Variants in PCDHGA1 observed in about 807,000 individuals in gnomAD.
PCDHGA1 encodes the protein protocadherin gamma-A1.
Under a neutral mutation model 58.0 loss-of-function variants are expected in PCDHGA1, and 32 were observed. The ratio of observed to expected loss-of-function variants is 0.55; its 90% CI spans 0.42 to 0.74. PCDHGA1 has a LOEUF of 0.74. PCDHGA1 is among the 30% of genes least tolerant of loss of function. PCDHGA1 has a pLI of 0.00. For missense variants in PCDHGA1, 1,205 were observed against 1,182.3 expected, an observed-to-expected ratio of 1.02 and a Z score of -0.28; for synonymous variants, 498 against 501.1, an observed-to-expected ratio of 0.99 and a Z score of 0.08.
At chr5:141,428,255 G>C in intron 1 of PCDHGA1, 1 of 875,580 alleles carries the variant, frequency 1.1e-6, no homozygotes, top group Non-Finnish European at 1.8e-6. Flanking sequence ...CCAGACTTCA[G>C]TGACAGTCCT....
chr5:141,383,003 T>G, intron 1 of PCDHGA1: 2 of 1,613,734 alleles, frequency 1.2e-6, no homozygotes, highest in Non-Finnish European at 1.7e-6. Flanking sequence ...CTCTACTCCG[T>G]GTCGGAGGAG....
At position 141,486,218 on chromosome 5, in the gene PCDHGA1, T is replaced by A. The variant is rs1467104398; in HGVS notation, c.2422-8589T>A. The A allele has an allele frequency of 2.5e-6, 4 of 1,614,004 alleles. No homozygotes were observed. The African/African-American group carries it at 5.3e-5, about 22-fold the overall frequency. On this transcript the variant is annotated intron_variant, in intron 1 of 3. Transcript: ENST00000517417. The surrounding 1 kb of genome is among the most constrained non-coding windows in gnomAD (Gnocchi z 5.0). ...GCTGGACGTAAATGACAATGCCCCT[T>A]ACATCACAGTGACCTCAGAGCTTGG...
At chr5:141,422,318 G>A (rs778935746) in intron 1 of PCDHGA1, 10 of 1,548,110 alleles carry the variant, frequency 6.5e-6, no homozygotes, top group Non-Finnish European at 7.8e-6. Context: ...TCTCCTCCAG[G>A]TACAGTGATT....
chr5:141,366,927 T>C (rs1442666923), intron 1 of PCDHGA1: 3 of 981,216 alleles, frequency 3.1e-6, no homozygotes, highest in Non-Finnish European at 4.3e-6. Context: ...AAATTCTGTT[T>C]TGGGAAGTCT....
At chr5:141,339,165 G>T (rs868424998) in intron 1 of PCDHGA1, 8 of 1,613,980 alleles carry the variant, frequency 5.0e-6, no homozygotes, top group East Asian at 4.5e-5. Flanking sequence ...CAGGGAGTCC[G>T]CATCGTCTCC....
intron 1 of PCDHGA1, chr5:141,423,860 G>A: frequency 7.8e-7 from 1 of 1,283,074 alleles, no homozygotes; most frequent in Non-Finnish European, 9.9e-7. Context: ...ACGTTTTTGT[G>A]AAAGTCATTT....
chr5:141,491,316 T>C lies in PCDHGA1; in HGVS notation c.2422-3491T>C. The C allele has an allele frequency of 3.1e-6, 5 of 1,614,176 alleles. No homozygotes were observed. The highest frequency in any genetic ancestry group is 3.4e-6 in the Non-Finnish European group (4 of 1,180,004). ...CTCCTGAGCGTTCAGACCTTACCCT[T>C]TACCTCATTGTGGCTCTAGCGACCG... is the stretch of plus-strand genomic sequence containing the variant. On this transcript the variant is annotated intron_variant, in intron 1 of 3. Coordinates refer to ENST00000517417, the MANE Select transcript of PCDHGA1 (RefSeq NM_018912.3). The surrounding 1 kb of genome is among the most constrained non-coding windows in gnomAD (Gnocchi z 6.9).
intron 1 of PCDHGA1, chr5:141,341,478 C>T (rs1351517337): frequency 1.9e-6 from 3 of 1,580,856 alleles, no homozygotes; most frequent in Admixed American, 3.6e-5. Context: ...ATTTTGTTCC[C>T]CATATTTCCT....
chr5:141,376,948 A>T (rs1369934638), intron 1 of PCDHGA1: 1 of 164,970 alleles, frequency 6.1e-6, no homozygotes, highest in South Asian at 1.6e-4. Context: ...CGGCCTCCCA[A>T]AGTGCTGGGA....
At chr5:141,368,644 G>C (rs948987019) in intron 1 of PCDHGA1, among the ~76,000 whole-genome samples, 1 of 152,090 alleles carries the variant, frequency 6.6e-6, no homozygotes, top group African/African-American at 2.4e-5. Context: ...AATGTTTTGT[G>C]CAATGGAAAA....
intron 1 of PCDHGA1, chr5:141,417,931 G>T (rs551432799): frequency 6.8e-6 from 11 of 1,611,382 alleles, no homozygotes; most frequent in Middle Eastern, 1.6e-4. Flanking sequence ...TGCTGCCTTT[G>T]TTCTACCCCA....
Position 141,423,176 on chromosome 5 carries a change from A to C in PCDHGA1, c.2422-71631A>C, listed in dbSNP as rs781125798. Reference sequence around the variant, plus strand: ...AGCCTCGTGGTGGCCGTCCAGGACCACGGCCAGCCCCCTCTCTCGGCCACC... The same window carrying C: ...AGCCTCGTGGTGGCCGTCCAGGACCCCGGCCAGCCCCCTCTCTCGGCCACC... On this transcript the variant is annotated intron_variant, in intron 1 of 3. Transcript: ENST00000517417. 1.7e-5 allele frequency: 28 copies of C among 1,613,356 alleles called. No homozygotes were observed. In the African/African-American group the frequency reaches 3.6e-4, roughly 21 times the overall value.
intron 1 of PCDHGA1, among the ~76,000 whole-genome samples, chr5:141,364,014 A>G (rs145320199): frequency 4.6e-5 from 7 of 152,362 alleles, no homozygotes; most frequent in Non-Finnish European, 7.3e-5. Context: ...ACAACGCTAC[A>G]CAGTTAAACA....
chr5:141,371,006 G>T, intron 1 of PCDHGA1: 1 of 1,613,750 alleles, frequency 6.2e-7, no homozygotes, highest in Non-Finnish European at 8.5e-7. Context: ...ACAGGGAAGA[G>T]CAGCCACATC....
intron 1 of PCDHGA1, chr5:141,418,409 G>A (rs2096254230): frequency 6.2e-7 from 1 of 1,613,792 alleles, no homozygotes; most frequent in African/African-American, 1.3e-5. Context: ...GGTGGAGAAA[G>A]ACAATCCTGA....
At chr5:141,339,066 G>A (rs765090248) in intron 1 of PCDHGA1, 8 of 1,613,578 alleles carry the variant, frequency 5.0e-6, no homozygotes, top group Non-Finnish European at 6.8e-6. Flanking sequence ...GGGCAGATTC[G>A]CTATTCTGTG....
intron 1 of PCDHGA1, among the ~76,000 whole-genome samples, chr5:141,347,590 C>T (rs1450261178): frequency 2.0e-5 from 3 of 152,034 alleles, no homozygotes; most frequent in African/African-American, 7.2e-5. Context: ...AGTTCAAGAA[C>T]ACCCTGGCCA....
intron 1 of PCDHGA1, chr5:141,340,423 T>A (rs956074945): frequency 1.9e-6 from 3 of 1,614,078 alleles, no homozygotes; most frequent in African/African-American, 2.7e-5. Flanking sequence ...GCAACGACAA[T>A]GCTCATGTAA....
At position 141,340,850 on chromosome 5, in the gene PCDHGA1, C is replaced by A. The variant is rs566854220; in HGVS notation, c.2421+7745C>A. 6.8e-6 allele frequency: 11 copies of A among 1,613,586 alleles called. No individual in the cohort carries two copies. The Admixed American group carries it at 1.2e-4, about 17-fold the overall frequency. ...GGTGGGTCTGCACACGGGCGAGGTG[C>A]GCACGGCGCGAGCCCTGCTGGACAG... On this transcript the variant is annotated intron_variant, in intron 1 of 3. Coordinates refer to ENST00000517417, the MANE Select transcript of PCDHGA1 (RefSeq NM_018912.3).
Sources: allele counts gnomAD v4.1 joint callset (sites outside exome capture counted in the v4.1 genomes callset), GRCh38; gene constraint gnomAD v4.1.1; non-coding constraint Gnocchi (gnomAD v3.1); transcripts MANE v1.5; gene names NCBI Gene and HGNC (gene_info 2026-07-23, HGNC 2026-07-21).